SNX29: variants seen among roughly 807,000 people sequenced by gnomAD.
The protein encoded by SNX29 is sorting nexin-29.
In SNX29, 78 loss-of-function variants were observed where a neutral mutation model predicts 102.1. That is an observed-to-expected ratio of 0.76 (90% CI 0.64 to 0.92). The LOEUF (loss-of-function observed/expected upper bound fraction) is 0.92. Among genes scored for constraint, SNX29 ranks in the 40% least tolerant of loss-of-function variants. SNX29 has a pLI of 0.00. For missense variants in SNX29, 1,280 were observed against 1,061.7 expected, an observed-to-expected ratio of 1.21 and a Z score of -2.86; for synonymous variants, 580 against 414.5, an observed-to-expected ratio of 1.40 and a Z score of -4.85.
At chr16:12,102,184 G>T (rs556714351) in intron 11 of SNX29, among the ~76,000 whole-genome samples, 5 of 152,282 alleles carry the variant, frequency 3.3e-5, no homozygotes, top group African/African-American at 1.2e-4. Flanking sequence ...CATTTGGGTT[G>T]GTTCTAAGTC....
intron 13 of SNX29, among the ~76,000 whole-genome samples, chr16:12,170,228 A>G (rs1350747497): frequency 1.3e-5 from 2 of 151,988 alleles, no homozygotes; most frequent in South Asian, 2.1e-4. Context: ...CCTGTGGCGG[A>G]GGAGCCATGG....
intron 15 of SNX29, among the ~76,000 whole-genome samples, chr16:12,351,095 A>T (rs1252912163): frequency 1.3e-5 from 2 of 152,248 alleles, no homozygotes; most frequent in African/African-American, 4.8e-5. Context: ...TTTGAGGCTT[A>T]TAAGCCAACC....
At chr16:12,007,321 A>T (rs1186403303) in intron 3 of SNX29, among the ~76,000 whole-genome samples, 1 of 152,094 alleles carries the variant, frequency 6.6e-6, no homozygotes, top group South Asian at 2.1e-4. Context: ...CCTGGCCAAC[A>T]TGGCAAAACC....
chr16:12,458,306 C>T (rs914646503), intron 18 of SNX29, among the ~76,000 whole-genome samples: 8 of 152,040 alleles, frequency 5.3e-5, no homozygotes, highest in African/African-American at 1.2e-4. Flanking sequence ...AAATGCATTT[C>T]GGCGGGGGAC....
At chr16:12,075,353 C>G (rs2051502692) in intron 10 of SNX29, among the ~76,000 whole-genome samples, 1 of 152,142 alleles carries the variant, frequency 6.6e-6, no homozygotes, top group Non-Finnish European at 1.5e-5. Flanking sequence ...GTGTGGATGT[C>G]TTTTCTGTTT....
rs1299201672 is a variant in SNX29, at chr16:12,126,679, G to A, written c.1449G>A (p.Glu483=). 2.0e-5 allele frequency: 32 copies of A among 1,614,028 alleles called. No homozygotes were observed. Among genetic ancestry groups the A allele is most frequent in the Non-Finnish European group, 2.7e-5 (32 of 1,179,886 alleles). The change falls in exon 12 of 21, where the codon GAG becomes GAA. Residue 483 remains glutamate, a synonymous_variant. Coordinates refer to ENST00000566228, the MANE Select transcript of SNX29 (RefSeq NM_032167.5). The part of the protein sequence containing the change: ...ATVAMMNRKD[E]LEEENRSLRN... ...TGGCCATGATGAACAGGAAGGATGA[G>A]CTGGAGGAGGAGAACAGGTACCGTG...
intron 13 of SNX29, among the ~76,000 whole-genome samples, chr16:12,138,978 G>A (rs1322497314): frequency 1.3e-5 from 2 of 151,944 alleles, no homozygotes; most frequent in Non-Finnish European, 2.9e-5. Flanking sequence ...CGAGGTAGGT[G>A]GATCACTGAG....
At chr16:12,256,714 C>A (rs998553598) in intron 14 of SNX29, among the ~76,000 whole-genome samples, 2 of 152,170 alleles carry the variant, frequency 1.3e-5, no homozygotes, top group African/African-American at 2.4e-5. Flanking sequence ...AGGCTACTAT[C>A]TGACTTAAAA....
chr16:12,442,021 C>G (rs1426595458), intron 18 of SNX29, among the ~76,000 whole-genome samples: 1 of 152,168 alleles, frequency 6.6e-6, no homozygotes, highest in African/African-American at 2.4e-5. Context: ...CTCAGGTGAT[C>G]TGGCCACCTC....
intron 15 of SNX29, among the ~76,000 whole-genome samples, chr16:12,301,971 C>A (rs2080187718): frequency 6.6e-6 from 1 of 152,134 alleles, no homozygotes; most frequent in East Asian, 1.9e-4. Flanking sequence ...GAATATTGAT[C>A]CTGAAGGTAA....
chr16:12,142,598 C>G (rs113459498), intron 13 of SNX29, among the ~76,000 whole-genome samples: 1 of 152,216 alleles, frequency 6.6e-6, no homozygotes, highest in African/African-American at 2.4e-5. Context: ...GAGTTTTGTT[C>G]TTGTTGCCCA....
chr16:12,288,386 TA>T (rs936823139), intron 15 of SNX29, among the ~76,000 whole-genome samples: 1 of 152,174 alleles, frequency 6.6e-6, no homozygotes, highest in Non-Finnish European at 1.5e-5. Flanking sequence ...AATCTACACA[TA>T]AGTAAAAGTA....
At chr16:12,186,149 C>A (rs2076504414) in intron 13 of SNX29, among the ~76,000 whole-genome samples, 1 of 152,144 alleles carries the variant, frequency 6.6e-6, no homozygotes. Flanking sequence ...CCTTTTAACC[C>A]TTACCACGTG....
chr16:12,249,215 G>A (rs1289948362), intron 14 of SNX29, among the ~76,000 whole-genome samples: 1 of 152,174 alleles, frequency 6.6e-6, no homozygotes, highest in Non-Finnish European at 1.5e-5. Context: ...GGAAATGATT[G>A]GAAGGGCCTG....
rs116510477 is a variant in SNX29, at chr16:12,106,824, T to G, written c.1403-19809T>G. On this transcript the variant is annotated intron_variant, in intron 11 of 20. Transcript: ENST00000566228. ...ACCCCCAACTTCCAGTAGTGCTTCCTTTTTTTTTTGAGACCGGGTCTCACT... is the reference window on the plus strand; with the variant it reads ...ACCCCCAACTTCCAGTAGTGCTTCCGTTTTTTTTTGAGACCGGGTCTCACT... Among the ~76,000 whole-genome samples the G allele has an allele frequency of 8.9e-3, 1,244 of 140,110 alleles. 19 individuals are homozygous for G. The highest frequency in any genetic ancestry group is 0.034 in the African/African-American group (1,185 of 35,368). The allele number at this position is 140,110 out of a possible 152,430, so 91.9% of individuals were successfully genotyped here.
At chr16:12,147,870 C>T (rs2055131505) in intron 13 of SNX29, among the ~76,000 whole-genome samples, 2 of 152,196 alleles carry the variant, frequency 1.3e-5, no homozygotes, top group Non-Finnish European at 2.9e-5. Context: ...TGTGACATCA[C>T]TGCCAAGCAA....
At chr16:12,564,213 CCCCCA>C (rs922201740) in intron 20 of SNX29, among the ~76,000 whole-genome samples, 43 of 135,840 alleles carry the variant, frequency 3.2e-4, no homozygotes, top group African/African-American at 1.2e-3. Flanking sequence ...CATAGGGAGA[CCCCCA>C]CATCTCTAAG....
intron 16 of SNX29, among the ~76,000 whole-genome samples, chr16:12,392,165 T>G (rs1384150039): frequency 6.6e-6 from 1 of 152,226 alleles, no homozygotes; most frequent in African/African-American, 2.4e-5. Context: ...ACATTATATC[T>G]TAGAGATCTC....
At position 12,276,192 on chromosome 16, in the gene SNX29, C is replaced by T. The variant is rs146818069; in HGVS notation, c.1679-1741C>T. ...TACAGGTGTGAGCCACCGCACCTGG[C>T]CTTAATTGACATTTTAATGGGATTT... On this transcript the variant is annotated intron_variant, in intron 14 of 20. Transcript: ENST00000566228. 1.7e-3 allele frequency among the ~76,000 whole-genome samples: 254 copies of T among 152,190 alleles called. 2 individuals are homozygous for T. The highest frequency in any genetic ancestry group is 5.8e-3 in the African/African-American group (241 of 41,528).
Sources: allele counts gnomAD v4.1 joint callset (sites outside exome capture counted in the v4.1 genomes callset), GRCh38; gene constraint gnomAD v4.1.1; transcripts MANE v1.5; gene names NCBI Gene and HGNC (gene_info 2026-07-23, HGNC 2026-07-21).